RBM47: variants seen among roughly 807,000 people sequenced by gnomAD.
The protein encoded by RBM47 is RNA-binding protein 47.
Under a neutral mutation model 47.1 loss-of-function variants are expected in RBM47, and 21 were observed. The ratio of observed to expected loss-of-function variants is 0.45; its 90% confidence interval spans 0.32 to 0.64. The LOEUF (loss-of-function observed/expected upper bound fraction) is 0.64, where lower values mean the gene tolerates loss of function less well. Ranked by LOEUF, RBM47 falls within the 30% of genes least tolerant of loss-of-function variation. The probability of loss-of-function intolerance (pLI) is 0.05; values close to 1 mark genes in which losing one functional copy is unlikely to be tolerated. For synonymous variants in RBM47, 375 were observed against 361.7 expected, an observed-to-expected ratio of 1.04 and a Z score of -0.42; for missense variants, 708 against 870.9, an observed-to-expected ratio of 0.81 and a Z score of 2.35.
chr4:40,516,910 G>T (rs1286871700), intron 2 of RBM47, among the ~76,000 whole-genome samples: 1 of 152,036 alleles, frequency 6.6e-6, no homozygotes, highest in Non-Finnish European at 1.5e-5. Context: ...CTAATGTTAG[G>T]GTTTATCTCA....
intron 1 of RBM47, among the ~76,000 whole-genome samples, chr4:40,545,709 GAA>G (rs1728983206): frequency 1.4e-5 from 1 of 72,640 alleles, no homozygotes; most frequent in Admixed American, 1.5e-4. Flanking sequence ...AAATAAAAGA[GAA>G]AGAGAGGGAG....
intron 1 of RBM47, among the ~76,000 whole-genome samples, chr4:40,579,103 A>G (rs1413037848): frequency 6.8e-6 from 1 of 147,078 alleles, no homozygotes; most frequent in Non-Finnish European, 1.5e-5. Flanking sequence ...TGGGCAACAG[A>G]GCGAGACTCT....
rs896497154 is a variant in RBM47 at position 40,502,512 on chromosome 4, C to T, written c.-154-35813G>A. Among the ~76,000 whole-genome samples the T allele has an allele frequency of 4.6e-5, 7 of 152,136 alleles. No individual in the cohort carries two copies. In the East Asian group the frequency reaches 1.4e-3, roughly 29 times the overall value. On this transcript the variant is annotated intron_variant, in intron 2 of 6. Transcript: ENST00000295971. ...GGTGAGGAAGAGAGGCCAATGAGTG[C>T]TCGTGAATCAGTAAGACTCCAACGA... is the stretch of plus-strand genomic sequence containing the variant.
At chr4:40,583,719 G>A (rs1271457877) in intron 1 of RBM47, among the ~76,000 whole-genome samples, 1 of 151,230 alleles carries the variant, frequency 6.6e-6, no homozygotes, top group Non-Finnish European at 1.5e-5. Context: ...TTAGCCGGGC[G>A]CGGTGGCGGG....
chr4:40,616,360 A>C (rs934432561), intron 1 of RBM47, among the ~76,000 whole-genome samples: 2 of 121,116 alleles, frequency 1.7e-5, no homozygotes, highest in East Asian at 5.0e-4. Flanking sequence ...TCTCAAAAAA[A>C]AAAAAAAGAA....
At chr4:40,630,609 T>A (rs1057206316), upstream of RBM47, 2 of 151,850 alleles carry the variant, frequency 1.3e-5, no homozygotes, top group African/African-American at 2.4e-5. Flanking sequence ...TGACCTAGAG[T>A]TACGGAGGGT....
intron 2 of RBM47, among the ~76,000 whole-genome samples, chr4:40,469,871 G>A (rs1718588734): frequency 6.6e-6 from 1 of 152,038 alleles, no homozygotes; most frequent in South Asian, 2.1e-4. Flanking sequence ...TTAACCTCAA[G>A]CGATCTGCTG....
chr4:40,524,121 C>T (rs1726476382), intron 2 of RBM47, among the ~76,000 whole-genome samples: 1 of 152,166 alleles, frequency 6.6e-6, no homozygotes, highest in Non-Finnish European at 1.5e-5. Context: ...AAACACTGCA[C>T]TCGGCTATGT....
intron 1 of RBM47, among the ~76,000 whole-genome samples, chr4:40,587,032 G>A (rs193117982): frequency 5.3e-5 from 8 of 152,192 alleles, no homozygotes; most frequent in East Asian, 1.9e-4. Context: ...TTCCTGCTCC[G>A]GCATCAGCTA....
At position 40,569,528 on chromosome 4, in the gene RBM47, G is replaced by T. The variant is rs1011772218; in HGVS notation, c.-239-25022C>A. Among the ~76,000 whole-genome samples, 4 of 150,740 alleles carry T rather than the reference G, an allele frequency of 2.7e-5. 1 individual carries two copies. Among genetic ancestry groups the T allele is most frequent in the Admixed American group, 2.6e-4 (4 of 15,096 alleles). On this transcript the variant is annotated intron_variant, in intron 1 of 6. Coordinates refer to ENST00000295971, the MANE Select transcript of RBM47 (RefSeq NM_001098634.2). Reference sequence around the variant, plus strand: ...GGGTTCACACCATTCTCCTGCCTCAGCCTCCCGAGTAGCTGGGACTACAGG... The same window carrying T: ...GGGTTCACACCATTCTCCTGCCTCATCCTCCCGAGTAGCTGGGACTACAGG...
chr4:40,441,127 A>G (rs921286315), intron 3 of RBM47, among the ~76,000 whole-genome samples: 1 of 150,974 alleles, frequency 6.6e-6, no homozygotes, highest in Admixed American at 6.6e-5. Context: ...TCTTTTTTTA[A>G]AAATAGAGAT....
In RBM47 at chr4:40,583,144, C is replaced by T. The variant is rs372970196; in HGVS notation, c.-239-38638G>A. On this transcript the variant is annotated intron_variant, in intron 1 of 6. Coordinates refer to ENST00000295971, the MANE Select transcript of RBM47 (RefSeq NM_001098634.2). ...AAGGGAGACAAAAGCAAGGTCAGGC[C>T]GGCCAAGCACAGTGGCTCACGCCTG... Among the ~76,000 whole-genome samples, 9 of 152,006 alleles carry T rather than the reference C, an allele frequency of 5.9e-5. No homozygotes were observed. In the East Asian group the frequency reaches 1.4e-3, roughly 23 times the overall value.
At chr4:40,598,243 T>C (rs1734933147) in intron 1 of RBM47, among the ~76,000 whole-genome samples, 1 of 152,092 alleles carries the variant, frequency 6.6e-6, no homozygotes, top group Non-Finnish European at 1.5e-5. Flanking sequence ...CACAGAACTT[T>C]ATTTATTTAT....
At chr4:40,471,205 AG>A (rs1244012870) in intron 2 of RBM47, among the ~76,000 whole-genome samples, 1 of 152,156 alleles carries the variant, frequency 6.6e-6, no homozygotes, top group African/African-American at 2.4e-5. Flanking sequence ...CAACTTTCTG[AG>A]CCTCAGGTTG....
chr4:40,608,985 T>TTTTA (rs369701422), intron 1 of RBM47, among the ~76,000 whole-genome samples: 5,525 of 152,002 alleles, frequency 0.036, 113 homozygotes, highest in Non-Finnish European at 0.044. Context: ...ATACCTCTTC[T>TTTTA]TTTATTTATT....
intron 1 of RBM47, among the ~76,000 whole-genome samples, chr4:40,588,104 G>A (rs777330922): frequency 7.9e-5 from 12 of 152,200 alleles, no homozygotes; most frequent in Non-Finnish European, 1.6e-4. Context: ...GTGTACTGGG[G>A]TGCAGCCAAA....
At chr4:40,537,688 T>C (rs1728117187) in intron 2 of RBM47, among the ~76,000 whole-genome samples, 1 of 152,232 alleles carries the variant, frequency 6.6e-6, no homozygotes, top group Non-Finnish European at 1.5e-5. Context: ...AAACCATTTT[T>C]CCAAATATCT....
At chr4:40,484,156 T>C (rs540312395) in intron 2 of RBM47, among the ~76,000 whole-genome samples, 1 of 152,334 alleles carries the variant, frequency 6.6e-6, no homozygotes, top group South Asian at 2.1e-4. Context: ...ACTGATATTA[T>C]AGTAATCAAA....
At chr4:40,556,090 C>A (rs544322029) in intron 1 of RBM47, among the ~76,000 whole-genome samples, 1 of 149,550 alleles carries the variant, frequency 6.7e-6, no homozygotes. Context: ...GGCTGGAGTG[C>A]GGTGGCGTGA....
Sources: allele counts gnomAD v4.1 joint callset (sites outside exome capture counted in the v4.1 genomes callset), GRCh38; gene constraint gnomAD v4.1.1; transcripts MANE v1.5; gene names NCBI Gene and HGNC (gene_info 2026-07-23, HGNC 2026-07-21).